PLXDC2: variants seen among roughly 807,000 people sequenced by gnomAD.
PLXDC2 encodes plexin domain containing 2, also known as plexin domain-containing protein 2.
In PLXDC2, 40 loss-of-function variants were observed where a neutral mutation model predicts 68.9. The ratio of observed to expected loss-of-function variants is 0.58; its 90% CI spans 0.45 to 0.76. The LOEUF (loss-of-function observed/expected upper bound fraction) is 0.76, where lower values mean the gene tolerates loss of function less well. Ranked by LOEUF, PLXDC2 falls within the 30% of genes least tolerant of loss-of-function variation. The pLI is 0.00. For synonymous variants in PLXDC2, 243 were observed against 234.2 expected, an observed-to-expected ratio of 1.04 and a Z score of -0.34; for missense variants, 644 against 661.9, an observed-to-expected ratio of 0.97 and a Z score of 0.30.
intron 3 of PLXDC2, among the ~76,000 whole-genome samples, chr10:20,066,133 A>G (rs970913822): frequency 6.6e-6 from 1 of 152,242 alleles, no homozygotes; most frequent in Non-Finnish European, 1.5e-5. Flanking sequence ...AGTGAAGCAG[A>G]CGATAGTGGT....
intron 1 of PLXDC2, among the ~76,000 whole-genome samples, chr10:19,832,249 A>G (rs1308371277): frequency 6.6e-6 from 1 of 152,190 alleles, no homozygotes; most frequent in African/African-American, 2.4e-5. Flanking sequence ...TTAATTTAAA[A>G]ATTGTTGACT....
chr10:20,217,145 T>G (rs190732756), intron 10 of PLXDC2, among the ~76,000 whole-genome samples: 14 of 152,284 alleles, frequency 9.2e-5, no homozygotes, highest in Non-Finnish European at 1.6e-4. Flanking sequence ...AATGTAAAAT[T>G]TAGGGCAAGG....
intron 13 of PLXDC2, among the ~76,000 whole-genome samples, chr10:20,251,329 TTTAAG>T (rs1835672785): frequency 6.6e-6 from 1 of 152,194 alleles, no homozygotes; most frequent in Non-Finnish European, 1.5e-5. Context: ...CTACATATGC[TTTAAG>T]TTTTTTTAAA....
At chr10:20,107,476 G>A (rs1290278422) in intron 4 of PLXDC2, among the ~76,000 whole-genome samples, 1 of 152,018 alleles carries the variant, frequency 6.6e-6, no homozygotes, top group Non-Finnish European at 1.5e-5. Context: ...AAAATTAAAG[G>A]CAGAAAAAAA....
chr10:19,853,178 A>G (rs1228715734), intron 1 of PLXDC2, among the ~76,000 whole-genome samples: 6 of 152,204 alleles, frequency 3.9e-5, no homozygotes, highest in Non-Finnish European at 8.8e-5. Flanking sequence ...TATTATCTGA[A>G]ACTGTAGGAC....
chr10:19,955,129 T>A (rs1834047662), intron 1 of PLXDC2, among the ~76,000 whole-genome samples: 3 of 144,516 alleles, frequency 2.1e-5, no homozygotes, highest in Non-Finnish European at 1.5e-5. Context: ...TTGCCCAGGC[T>A]GGAGTGCTTG....
intron 3 of PLXDC2, among the ~76,000 whole-genome samples, chr10:20,065,760 C>T (rs562334722): frequency 1.3e-4 from 20 of 152,150 alleles, no homozygotes; most frequent in Non-Finnish European, 2.2e-4. Flanking sequence ...ATAGGGCTCA[C>T]GCTCCTATGA....
intron 3 of PLXDC2, among the ~76,000 whole-genome samples, chr10:20,061,421 G>C (rs1836100790): frequency 6.6e-6 from 1 of 152,038 alleles, no homozygotes; most frequent in African/African-American, 2.4e-5. Context: ...ATACTACAAT[G>C]GGGATGATAT....
intron 1 of PLXDC2, among the ~76,000 whole-genome samples, chr10:19,836,371 G>A (rs1836793330): frequency 6.6e-6 from 1 of 152,116 alleles, no homozygotes; most frequent in African/African-American, 2.4e-5. Flanking sequence ...ACCATGTTAG[G>A]ATCACTGTCT....
intron 1 of PLXDC2, among the ~76,000 whole-genome samples, chr10:19,921,210 A>G (rs1833457007): frequency 6.6e-6 from 1 of 151,506 alleles, no homozygotes; most frequent in African/African-American, 2.4e-5. Context: ...TATGAATTTT[A>G]AAAGCAGGAC....
chr10:20,043,333 G>A (rs1835717260), intron 2 of PLXDC2: 1 of 152,136 alleles, frequency 6.6e-6, no homozygotes, highest in African/African-American at 2.4e-5. Flanking sequence ...TGGCAGGTCT[G>A]ATTTAAGAAA....
At chr10:20,135,378 C>T (rs952308148) in intron 4 of PLXDC2, among the ~76,000 whole-genome samples, 25 of 152,086 alleles carry the variant, frequency 1.6e-4, no homozygotes, top group East Asian at 5.8e-4. Flanking sequence ...CTAGATAATC[C>T]GAAGCATTTA....
intron 1 of PLXDC2, among the ~76,000 whole-genome samples, chr10:19,937,214 T>A: frequency 6.6e-6 from 1 of 152,150 alleles, no homozygotes; most frequent in South Asian, 2.1e-4. Flanking sequence ...GACAAATTAA[T>A]GGCTCCTGAT....
chr10:20,092,210 CT>C (rs1376979132), intron 4 of PLXDC2, among the ~76,000 whole-genome samples: 1 of 152,096 alleles, frequency 6.6e-6, no homozygotes, highest in African/African-American at 2.4e-5. Context: ...AGGGGCAGGG[CT>C]TTTAGCTTTA....
intron 1 of PLXDC2, among the ~76,000 whole-genome samples, chr10:19,901,855 G>A (rs1838166116): frequency 6.6e-6 from 1 of 152,148 alleles, no homozygotes; most frequent in East Asian, 1.9e-4. Context: ...TTTTGTATAA[G>A]GTGAGAGATG....
chr10:20,067,072 C>A lies in PLXDC2; in HGVS notation c.472-1098C>A, dbSNP rs145086344. On this transcript the variant is annotated intron_variant, in intron 3 of 13. Transcript: ENST00000377252. The stretch of plus-strand genomic sequence containing the variant: ...TTCTTGCCTGATAATAATATATCTA[C>A]TTAATATCATTTCAAACATATAAAA... 4.1e-4 allele frequency among the ~76,000 whole-genome samples: 63 copies of A among 152,132 alleles called. 1 individual carries two copies. Among genetic ancestry groups the A allele is most frequent in the African/African-American group, 1.3e-3 (56 of 41,510 alleles).
At chr10:19,873,116 CACTGAAGTTCACG>C (rs1425761034) in intron 1 of PLXDC2, among the ~76,000 whole-genome samples, 1 of 152,166 alleles carries the variant, frequency 6.6e-6, no homozygotes, top group African/African-American at 2.4e-5. Flanking sequence ...CTCCAAAGTG[CACTGAAGTTCACG>C]ACCGATGTTT....
At chr10:20,004,011 G>A (rs1466132759) in intron 2 of PLXDC2, among the ~76,000 whole-genome samples, 3 of 152,052 alleles carry the variant, frequency 2.0e-5, no homozygotes, top group Non-Finnish European at 4.4e-5. Context: ...GAGCTGACAG[G>A]CTTATGATTT....
At chr10:19,976,393 T>G (rs1323841098) in intron 1 of PLXDC2, among the ~76,000 whole-genome samples, 1 of 152,102 alleles carries the variant, frequency 6.6e-6, no homozygotes, top group Non-Finnish European at 1.5e-5. Flanking sequence ...TTTTGTAGTT[T>G]TAGTAGAGAT....
Sources: allele counts gnomAD v4.1 joint callset (sites outside exome capture counted in the v4.1 genomes callset), GRCh38; gene constraint gnomAD v4.1.1; transcripts MANE v1.5; gene names NCBI Gene and HGNC (gene_info 2026-07-23, HGNC 2026-07-21).